The following CAMKMT variants were observed in gnomAD, a reference collection of about 807,000 sequenced individuals.
CAMKMT encodes calmodulin-lysine N-methyltransferase, also known as CaM KMT.
A neutral mutation model predicts 48.0 loss-of-function variants in CAMKMT; 53 were observed. The observed-to-expected ratio is 1.10, with a 90% confidence interval of 0.89 to 1.39. The LOEUF (loss-of-function observed/expected upper bound fraction) is 1.39, where lower values mean the gene tolerates loss of function less well. Ranked by LOEUF, CAMKMT falls within the 40% of genes most tolerant of loss-of-function variation. The pLI, the probability that CAMKMT is intolerant of heterozygous loss-of-function variation, is 0.00. For synonymous variants in CAMKMT, 165 were observed against 152.3 expected (o/e 1.08, Z -0.61); for missense variants, 428 against 402.7 (o/e 1.06, Z -0.54).
intron 3 of CAMKMT, among the ~76,000 whole-genome samples, chr2:44,693,924 T>C (rs572430841): frequency 1.5e-4 from 23 of 152,334 alleles, no homozygotes; most frequent in African/African-American, 5.5e-4. Context: ...GTGATAGGCT[T>C]GATCACTTCC....
chr2:44,605,464 T>C (rs767330023), intron 3 of CAMKMT, among the ~76,000 whole-genome samples: 8 of 152,182 alleles, frequency 5.3e-5, no homozygotes, highest in Non-Finnish European at 1.0e-4. Context: ...TCACACTGCA[T>C]AATATGTCTA....
intron 3 of CAMKMT, among the ~76,000 whole-genome samples, chr2:44,407,540 G>A (rs187187650): frequency 6.6e-6 from 1 of 152,266 alleles, no homozygotes; most frequent in South Asian, 2.1e-4. Context: ...GGTGGAGATT[G>A]TCTTGGCCAA....
intron 3 of CAMKMT, among the ~76,000 whole-genome samples, chr2:44,679,481 C>T (rs1448200233): frequency 6.6e-6 from 1 of 152,164 alleles, no homozygotes; most frequent in Non-Finnish European, 1.5e-5. Flanking sequence ...GATTACTAGT[C>T]AGGCTTCTAG....
At chr2:44,468,107 C>G (rs1351157391) in intron 3 of CAMKMT, among the ~76,000 whole-genome samples, 2 of 152,116 alleles carry the variant, frequency 1.3e-5, no homozygotes, top group Non-Finnish European at 1.5e-5. Flanking sequence ...AACTATCCAA[C>G]AAGAGTTTAA....
At chr2:44,688,591 A>G (rs2104209807) in intron 3 of CAMKMT, among the ~76,000 whole-genome samples, 1 of 152,146 alleles carries the variant, frequency 6.6e-6, no homozygotes, top group South Asian at 2.1e-4. Context: ...AAGTAGGTTT[A>G]GACTAAACCC....
intron 3 of CAMKMT, among the ~76,000 whole-genome samples, chr2:44,651,538 G>T (rs1316887479): frequency 3.3e-5 from 5 of 152,110 alleles, no homozygotes; most frequent in Admixed American, 3.3e-4. Context: ...ACAAAAAAAG[G>T]CACTCTAGCC....
At chr2:44,677,641 G>C (rs376012770) in intron 3 of CAMKMT, among the ~76,000 whole-genome samples, 3 of 151,964 alleles carry the variant, frequency 2.0e-5, no homozygotes, top group Non-Finnish European at 2.9e-5. Context: ...CAGGGAGGTG[G>C]ATGTTGCAGT....
At chr2:44,427,752 GA>G (rs1321284982) in intron 3 of CAMKMT, among the ~76,000 whole-genome samples, 1 of 152,108 alleles carries the variant, frequency 6.6e-6, no homozygotes, top group Non-Finnish European at 1.5e-5. Flanking sequence ...AAATATACCA[GA>G]TTTGTATTAT....
chr2:44,652,518 C>G (rs1175739494), intron 3 of CAMKMT, among the ~76,000 whole-genome samples: 1 of 152,180 alleles, frequency 6.6e-6, no homozygotes, highest in East Asian at 1.9e-4. Flanking sequence ...GATTATGCCT[C>G]TATGGTTGAC....
At chr2:44,769,862 G>A (rs1250775717) in intron 10 of CAMKMT, among the ~76,000 whole-genome samples, 1 of 152,116 alleles carries the variant, frequency 6.6e-6, no homozygotes, top group Non-Finnish European at 1.5e-5. Flanking sequence ...GATAATTGTG[G>A]ATACTGTAAA....
intron 3 of CAMKMT, among the ~76,000 whole-genome samples, chr2:44,397,078 A>G (rs1291737171): frequency 1.3e-5 from 2 of 151,978 alleles, no homozygotes; most frequent in Non-Finnish European, 2.9e-5. Context: ...AAAAAAAAGA[A>G]AAAGTACACA....
chr2:44,600,492 C>T (rs74866224), intron 3 of CAMKMT, among the ~76,000 whole-genome samples: 1,663 of 152,186 alleles, frequency 0.011, 40 homozygotes, highest in African/African-American at 0.037. Flanking sequence ...TGGTTTCAAA[C>T]TCCTGGGCTC....
At chr2:44,603,155 C>G (rs931919532) in intron 3 of CAMKMT, among the ~76,000 whole-genome samples, 9 of 152,074 alleles carry the variant, frequency 5.9e-5, no homozygotes, top group Admixed American at 1.3e-4. Context: ...GCAGCATGAT[C>G]TTGGCTCACT....
intron 3 of CAMKMT, among the ~76,000 whole-genome samples, chr2:44,511,949 T>G (rs1182159653): frequency 6.6e-6 from 1 of 152,236 alleles, no homozygotes; most frequent in East Asian, 1.9e-4. Context: ...TTACCTAGGC[T>G]GTCCCTCTTG....
At chr2:44,668,302 G>C (rs866406162) in intron 3 of CAMKMT, among the ~76,000 whole-genome samples, 25 of 152,070 alleles carry the variant, frequency 1.6e-4, no homozygotes, top group African/African-American at 4.8e-4. Flanking sequence ...TGAATGAATG[G>C]ACCACCCTTG....
intron 3 of CAMKMT, among the ~76,000 whole-genome samples, chr2:44,404,881 G>T (rs1427201860): frequency 6.6e-6 from 1 of 152,054 alleles, no homozygotes; most frequent in Admixed American, 6.6e-5. Context: ...TTTAAAAAAA[G>T]ATGTTATGTA....
intron 7 of CAMKMT, among the ~76,000 whole-genome samples, chr2:44,737,074 G>T (rs767624832): frequency 6.6e-6 from 1 of 152,006 alleles, no homozygotes; most frequent in Admixed American, 6.6e-5. Context: ...ATTTTACTTC[G>T]TTGGGATCTG....
intron 3 of CAMKMT, among the ~76,000 whole-genome samples, chr2:44,568,563 A>G (rs1216284048): frequency 6.6e-6 from 1 of 152,148 alleles, no homozygotes. Flanking sequence ...CATAAGCCTG[A>G]CAGGTAGCAA....
intron 3 of CAMKMT, among the ~76,000 whole-genome samples, chr2:44,570,663 A>G (rs1668857914): frequency 6.6e-6 from 1 of 152,206 alleles, no homozygotes; most frequent in South Asian, 2.1e-4. Flanking sequence ...TGTTTCTTCA[A>G]ACTTGATTAA....
Sources: gnomAD v4.1 joint callset for allele counts (sites outside exome capture counted in the v4.1 genomes callset) on GRCh38, gnomAD v4.1.1 for gene constraint, MANE v1.5 for transcripts, NCBI Gene and HGNC (gene_info 2026-07-23, HGNC 2026-07-21) for gene names.